IGF1: variants seen among roughly 807,000 people sequenced by gnomAD.
The protein encoded by IGF1 is insulin-like growth factor 1.
Under a neutral mutation model 13.8 loss-of-function variants are expected in IGF1, and 4 were observed. The ratio of observed to expected loss-of-function variants is 0.29; its 90% CI spans 0.14 to 0.66. The LOEUF (loss-of-function observed/expected upper bound fraction) is 0.66, where lower values mean the gene tolerates loss of function less well. Ranked by LOEUF, IGF1 falls within the 30% of genes least tolerant of loss-of-function variation. IGF1 has a pLI of 0.78. For synonymous variants in IGF1, 76 were observed against 72.6 expected (o/e 1.05, Z -0.23); for missense variants, 124 against 188.5 (o/e 0.66, Z 2.00).
At chr12:102,412,388 G>A (rs1003582046) in intron 3 of IGF1, among the ~76,000 whole-genome samples, 3 of 151,872 alleles carry the variant, frequency 2.0e-5, no homozygotes, top group African/African-American at 7.3e-5. Context: ...GAACACAAAG[G>A]TGCACACACA....
chr12:102,443,547 A>G (rs1213574074), intron 2 of IGF1, among the ~76,000 whole-genome samples: 1 of 152,072 alleles, frequency 6.6e-6, no homozygotes, highest in Non-Finnish European at 1.5e-5. Context: ...CATAAGAGAA[A>G]CAAACTTCCA....
chr12:102,415,515 C>G (rs191525902), intron 3 of IGF1, among the ~76,000 whole-genome samples: 1 of 140,676 alleles, frequency 7.1e-6, no homozygotes, highest in East Asian at 2.2e-4. Flanking sequence ...CATTCTTTAA[C>G]TAGAAAGTCT....
intron 2 of IGF1, among the ~76,000 whole-genome samples, chr12:102,443,788 C>T (rs1011948819): frequency 6.6e-6 from 1 of 152,010 alleles, no homozygotes. Flanking sequence ...AAAAAACAGG[C>T]AACCTTGAGG....
chr12:102,405,603 G>A (rs1003861425), intron 3 of IGF1, among the ~76,000 whole-genome samples: 1 of 151,980 alleles, frequency 6.6e-6, no homozygotes, highest in Non-Finnish European at 1.5e-5. Flanking sequence ...ATTAACAGGC[G>A]GAGAAACACA....
At chr12:102,434,399 G>A (rs1468628460) in intron 2 of IGF1, among the ~76,000 whole-genome samples, 1 of 150,074 alleles carries the variant, frequency 6.7e-6, no homozygotes, top group Non-Finnish European at 1.5e-5. Flanking sequence ...AACATGCGGT[G>A]TTTGGTTTTC....
chr12:102,404,851 G>A (rs1015319794), intron 3 of IGF1, among the ~76,000 whole-genome samples: 2 of 143,948 alleles, frequency 1.4e-5, no homozygotes, highest in Non-Finnish European at 3.0e-5. Flanking sequence ...TCTGCCTCCC[G>A]GGTTCAAGTG....
intron 2 of IGF1, among the ~76,000 whole-genome samples, chr12:102,455,260 A>G (rs1879292865): frequency 6.6e-6 from 1 of 152,268 alleles, no homozygotes; most frequent in Non-Finnish European, 1.5e-5. Flanking sequence ...CAGTTAACAA[A>G]GTGACATTGC....
chr12:102,465,849 A>C (rs1274694016), intron 2 of IGF1, among the ~76,000 whole-genome samples: 1 of 151,968 alleles, frequency 6.6e-6, no homozygotes, highest in Non-Finnish European at 1.5e-5. Flanking sequence ...AGGCGGGAGA[A>C]TTGCTTGAAC....
Position 102,478,648 on chromosome 12 carries a change from A to T in IGF1, c.63+1671T>A, listed in dbSNP as rs565412210. On this transcript the variant is annotated intron_variant, in intron 1 of 3. Coordinates refer to ENST00000337514, the MANE Select transcript of IGF1 (RefSeq NM_000618.5). ...GTTACATTTGGACACCCAGGCAGGTATGCTATTATGAGCCTGGGTAAACTG... is the reference window on the plus strand; with the variant it reads ...GTTACATTTGGACACCCAGGCAGGTTTGCTATTATGAGCCTGGGTAAACTG... The T allele has an allele frequency of 6.3e-6, 9 of 1,421,356 alleles. No individual in the cohort carries two copies. The South Asian group carries it at 1.4e-4, about 22-fold the overall frequency. The allele number at this position is 1,421,356 out of a possible 1,614,324, so 88.0% of individuals were successfully genotyped here.
chr12:102,447,430 T>G (rs1330309592), intron 2 of IGF1, among the ~76,000 whole-genome samples: 1 of 152,216 alleles, frequency 6.6e-6, no homozygotes, highest in Non-Finnish European at 1.5e-5. Flanking sequence ...GCATATATAT[T>G]TAGGATAGTT....
chr12:102,427,834 G>A (rs887279027), intron 2 of IGF1, among the ~76,000 whole-genome samples: 1 of 152,152 alleles, frequency 6.6e-6, no homozygotes, highest in African/African-American at 2.4e-5. Flanking sequence ...AGAGAGGGAA[G>A]GAGGGAGGGC....
intron 2 of IGF1, among the ~76,000 whole-genome samples, chr12:102,434,194 A>T (rs1877004849): frequency 6.8e-6 from 1 of 146,470 alleles, no homozygotes; most frequent in Non-Finnish European, 1.5e-5. Context: ...ACATGTGCAC[A>T]TTGTGCAGGT....
chr12:102,453,836 G>A (rs929162340), intron 2 of IGF1, among the ~76,000 whole-genome samples: 3 of 152,204 alleles, frequency 2.0e-5, no homozygotes, highest in Non-Finnish European at 2.9e-5. Context: ...TAGAATCTAT[G>A]TGCCTTTAAT....
At chr12:102,451,161 ATTCTT>A (rs1187209600) in intron 2 of IGF1, among the ~76,000 whole-genome samples, 1 of 152,214 alleles carries the variant, frequency 6.6e-6, no homozygotes, top group Non-Finnish European at 1.5e-5. Flanking sequence ...TAGCTTTTCT[ATTCTT>A]AGGACTCTTC....
rs371947838 is a variant in IGF1 at position 102,402,244 on chromosome 12, A to AT, written c.*262dup. On this transcript the variant is annotated 3_prime_UTR_variant, in exon 4 of 4. Transcript: ENST00000337514. The stretch of plus-strand genomic sequence containing the variant: ...GGGACTAAGATATATATATATATAT[A>AT]TTTTTTTTTTCTTTTCTATAGAACA... 3.0e-3 allele frequency: 684 copies of AT among 226,806 alleles called. 1 individual carries two copies. The highest frequency in any genetic ancestry group is 4.9e-3 in the Middle Eastern group (3 of 608). The allele number at this position is 226,806 out of a possible 1,614,324, so 14.0% of individuals were successfully genotyped here.
chr12:102,442,069 C>T (rs1877910159), intron 2 of IGF1, among the ~76,000 whole-genome samples: 1 of 151,602 alleles, frequency 6.6e-6, no homozygotes, highest in Admixed American at 6.6e-5. Context: ...CCCACCTCAG[C>T]CTTCTGAGTA....
intron 3 of IGF1, among the ~76,000 whole-genome samples, chr12:102,405,819 G>C (rs1182024822): frequency 6.6e-6 from 1 of 152,196 alleles, no homozygotes; most frequent in Non-Finnish European, 1.5e-5. Context: ...AAAACATTAA[G>C]ATACCATCTA....
At chr12:102,479,334 G>T (rs1324090054) in intron 1 of IGF1, among the ~76,000 whole-genome samples, 1 of 152,138 alleles carries the variant, frequency 6.6e-6, no homozygotes, top group Non-Finnish European at 1.5e-5. Flanking sequence ...TGGCAGAGAC[G>T]TCTTATGAAT....
At chr12:102,430,838 G>C (rs1431333799) in intron 2 of IGF1, among the ~76,000 whole-genome samples, 1 of 152,156 alleles carries the variant, frequency 6.6e-6, no homozygotes, top group Non-Finnish European at 1.5e-5. Flanking sequence ...ATCTGCCTTT[G>C]GCAGTCATTT....
Sources: allele counts gnomAD v4.1 joint callset (sites outside exome capture counted in the v4.1 genomes callset), GRCh38; gene constraint gnomAD v4.1.1; transcripts MANE v1.5; gene names NCBI Gene and HGNC (gene_info 2026-07-23, HGNC 2026-07-21).